The following PCDH15 variants were observed in gnomAD, a reference collection of about 807,000 sequenced individuals.
PCDH15 encodes the protein protocadherin related 15.
In PCDH15, 129 loss-of-function variants were observed where a neutral mutation model predicts 178.5. The observed-to-expected ratio is 0.72, with a 90% CI of 0.63 to 0.84. PCDH15 has a LOEUF of 0.84. Ranked by LOEUF, PCDH15 falls within the 40% of genes least tolerant of loss-of-function variation. The pLI, the probability that PCDH15 is intolerant of heterozygous loss-of-function variation, is 0.00. For synonymous variants in PCDH15, 800 were observed against 732.0 expected (o/e 1.09, Z -1.50); for missense variants, 2,230 against 2,099.9 (o/e 1.06, Z -1.21).
chr10:55,258,758 C>T (rs1460211847), intron 1 of PCDH15, among the ~76,000 whole-genome samples: 68 of 108,126 alleles, frequency 6.3e-4, no homozygotes, highest in Admixed American at 1.5e-3. Context: ...TGTTTGTCTG[C>T]TTTTTTTTTT....
At chr10:54,089,633 C>CA (rs766161363) in intron 16 of PCDH15, among the ~76,000 whole-genome samples, 6 of 152,192 alleles carry the variant, frequency 3.9e-5, no homozygotes, top group Admixed American at 6.5e-5. Context: ...ATCTTGCCTA[C>CA]AAGCCTCCCT....
rs10569518 is a variant in PCDH15, at chr10:54,257,049, T to TTAGATAGATAGA, written c.877-20130_877-20119dup. 4.0e-3 allele frequency among the ~76,000 whole-genome samples: 600 copies of TTAGATAGATAGA among 149,508 alleles called. 2 individuals carry two copies. Among genetic ancestry groups the TTAGATAGATAGA allele is most frequent in the East Asian group, 6.2e-3 (31 of 5,026 alleles). On this transcript the variant is annotated intron_variant, in intron 8 of 37. Coordinates refer to ENST00000644397, the MANE Select transcript of PCDH15 (RefSeq NM_001384140.1). ...TTCTCATTCTCTCTCTCTCGATAGATTAGATAGATAGATAGATAGATAGAT... is the reference window on the plus strand; with the variant it reads ...TTCTCATTCTCTCTCTCTCGATAGATTAGATAGATAGATAGATAGATAGATAGATAGATAGAT...
At chr10:55,502,789 G>A (rs1183291512) in intron 2 of PCDH15, among the ~76,000 whole-genome samples, 1 of 151,562 alleles carries the variant, frequency 6.6e-6, no homozygotes, top group Admixed American at 6.6e-5. Context: ...AAAGCGTAGT[G>A]CATTGGCTAA....
intron 9 of PCDH15, among the ~76,000 whole-genome samples, chr10:54,215,246 C>T (rs1264517791): frequency 6.6e-6 from 1 of 151,940 alleles, no homozygotes; most frequent in Non-Finnish European, 1.5e-5. Context: ...TCCAGGCTGC[C>T]AGATGTTAAA....
chr10:55,133,646 A>C (rs1331257372), intron 2 of PCDH15, among the ~76,000 whole-genome samples: 1 of 152,126 alleles, frequency 6.6e-6, no homozygotes, highest in Non-Finnish European at 1.5e-5. Flanking sequence ...GATAGCTAAC[A>C]ATCAATATTG....
chr10:55,074,917 T>C (rs1841843893), intron 2 of PCDH15, among the ~76,000 whole-genome samples: 1 of 152,156 alleles, frequency 6.6e-6, no homozygotes, highest in African/African-American at 2.4e-5. Flanking sequence ...GGGGTCCAGT[T>C]TCAGTTTCCT....
At position 55,006,175 on chromosome 10, in the gene PCDH15, G is replaced by C. The variant is rs377501693; in HGVS notation, c.-79-108675C>G. 2.0e-5 allele frequency among the ~76,000 whole-genome samples: 3 copies of C among 151,974 alleles called. No homozygotes were observed. The East Asian group carries it at 5.8e-4, about 30-fold the overall frequency. On this transcript the variant is annotated intron_variant, in intron 2 of 5. Coordinates refer to the PCDH15 transcript ENST00000458638. ...TTCTTATTAATTGTATTAATATGCA[G>C]TATAATAGATCACTCAATTTATACC...
At chr10:55,331,117 C>A (rs1021560000) in intron 2 of PCDH15, among the ~76,000 whole-genome samples, 1 of 151,808 alleles carries the variant, frequency 6.6e-6, no homozygotes, top group African/African-American at 2.4e-5. Context: ...GGCTTTTCTC[C>A]TTCATCTCTT....
intron 2 of PCDH15, among the ~76,000 whole-genome samples, chr10:55,482,053 T>C (rs1197301940): frequency 1.3e-5 from 2 of 151,956 alleles, no homozygotes; most frequent in African/African-American, 4.8e-5. Context: ...TAAATCTTCT[T>C]GGTGAATCTA....
At chr10:55,121,095 T>C (rs1378726521) in intron 2 of PCDH15, among the ~76,000 whole-genome samples, 2 of 152,088 alleles carry the variant, frequency 1.3e-5, no homozygotes, top group East Asian at 3.9e-4. Flanking sequence ...TGAGAGCTGC[T>C]GTGTAGGCTG....
chr10:54,693,189 A>G (rs948883036), intron 1 of PCDH15, among the ~76,000 whole-genome samples: 5 of 151,868 alleles, frequency 3.3e-5, no homozygotes, highest in Middle Eastern at 3.2e-3. Flanking sequence ...CATTCTTAGG[A>G]TGATATTTCT....
intron 5 of PCDH15, among the ~76,000 whole-genome samples, chr10:54,357,000 G>A (rs886250287): frequency 2.0e-5 from 3 of 152,090 alleles, no homozygotes; most frequent in Non-Finnish European, 2.9e-5. Flanking sequence ...AGGTATTGAT[G>A]GGACTTATCT....
chr10:55,589,817 G>A (rs1204250560), intron 2 of PCDH15, among the ~76,000 whole-genome samples: 1 of 150,496 alleles, frequency 6.6e-6, no homozygotes, highest in Non-Finnish European at 1.5e-5. Context: ...GAAACAACAG[G>A]TGCTGGAGAG....
At chr10:55,372,810 G>C (rs1327306733) in intron 2 of PCDH15, among the ~76,000 whole-genome samples, 1 of 152,078 alleles carries the variant, frequency 6.6e-6, no homozygotes, top group Non-Finnish European at 1.5e-5. Context: ...GACTTTGAGA[G>C]TACTAGACAA....
intron 2 of PCDH15, among the ~76,000 whole-genome samples, chr10:55,047,156 T>G (rs757287516): frequency 1.9e-4 from 29 of 151,938 alleles, no homozygotes; most frequent in Non-Finnish European, 2.7e-4. Context: ...TCTATTGTAT[T>G]TAAACTTGAA....
intron 2 of PCDH15, among the ~76,000 whole-genome samples, chr10:54,917,756 A>G (rs1837377789): frequency 6.6e-6 from 1 of 152,172 alleles, no homozygotes; most frequent in African/African-American, 2.4e-5. Flanking sequence ...CCTTTTGGAT[A>G]CCATAAAAAT....
intron 2 of PCDH15, among the ~76,000 whole-genome samples, chr10:55,584,473 A>G (rs1469702285): frequency 6.6e-6 from 1 of 151,908 alleles, no homozygotes; most frequent in Non-Finnish European, 1.5e-5. Context: ...CCTGGCCAAC[A>G]TGGTGAAACC....
At chr10:53,991,363 G>T (rs191915131) in intron 21 of PCDH15, among the ~76,000 whole-genome samples, 1 of 152,176 alleles carries the variant, frequency 6.6e-6, no homozygotes, top group South Asian at 2.1e-4. Context: ...CTTGGGGTTC[G>T]TGGATGCACC....
At chr10:53,902,590 A>T (rs543274914) in intron 26 of PCDH15, among the ~76,000 whole-genome samples, 1 of 152,262 alleles carries the variant, frequency 6.6e-6, no homozygotes, top group African/African-American at 2.4e-5. Context: ...AAACATTAGT[A>T]ATACACAGTT....
Sources: gnomAD v4.1 joint callset for allele counts (sites outside exome capture counted in the v4.1 genomes callset) on GRCh38, gnomAD v4.1.1 for gene constraint, MANE v1.5 for transcripts, NCBI Gene and HGNC (gene_info 2026-07-23, HGNC 2026-07-21) for gene names.